RBPJ: variants seen among roughly 807,000 people sequenced by gnomAD.
The protein encoded by RBPJ is recombining binding protein suppressor of hairless.
A neutral mutation model predicts 67.8 loss-of-function variants in RBPJ; 9 were observed. The ratio of observed to expected loss-of-function variants is 0.13; its 90% CI spans 0.08 to 0.23. The LOEUF (loss-of-function observed/expected upper bound fraction) is 0.23. RBPJ is among the 10% of genes least tolerant of loss of function. RBPJ has a pLI of 1.00. For synonymous variants in RBPJ, 198 were observed against 203.3 expected, an observed-to-expected ratio of 0.97 and a Z score of 0.22; for missense variants, 305 against 595.6, an observed-to-expected ratio of 0.51 and a Z score of 5.08.
At chr4:26,289,562 A>C (rs1041475178) in intron 1 of RBPJ, among the ~76,000 whole-genome samples, 29 of 150,564 alleles carry the variant, frequency 1.9e-4, no homozygotes, top group African/African-American at 6.4e-4. Flanking sequence ...GTGAGCATGC[A>C]TGCTATCATT....
intron 1 of RBPJ, among the ~76,000 whole-genome samples, chr4:26,164,773 A>G (rs1375948728): frequency 6.6e-6 from 1 of 152,154 alleles, no homozygotes. Context: ...GTGTTTTTCT[A>G]CTGGAAAATG....
intron 2 of RBPJ, among the ~76,000 whole-genome samples, chr4:26,404,478 A>T (rs1733185008): frequency 6.6e-6 from 1 of 151,774 alleles, no homozygotes; most frequent in Non-Finnish European, 1.5e-5. Context: ...AAAGCCTTTC[A>T]TAGTTTGACT....
At chr4:26,379,149 T>C (rs1730059506) in intron 1 of RBPJ, among the ~76,000 whole-genome samples, 2 of 152,186 alleles carry the variant, frequency 1.3e-5, no homozygotes, top group African/African-American at 4.8e-5. Context: ...TGGCATGTCT[T>C]TGAAATCTAC....
At chr4:26,139,367 C>G in the RBPJ span, among the ~76,000 whole-genome samples, 1 of 152,234 alleles carries the variant, frequency 6.6e-6, no homozygotes, top group East Asian at 1.9e-4. Flanking sequence ...TGCGAGGGAC[C>G]AGTGGGTTGG....
At chr4:26,184,331 A>C (rs1401468143) in intron 1 of RBPJ, among the ~76,000 whole-genome samples, 1 of 152,062 alleles carries the variant, frequency 6.6e-6, no homozygotes, top group Non-Finnish European at 1.5e-5. Flanking sequence ...GAGAGACTGG[A>C]CTCAGCTCCG....
chr4:26,318,104 T>C (rs186726993), upstream of RBPJ, among the ~76,000 whole-genome samples: 26 of 151,794 alleles, frequency 1.7e-4, no homozygotes, highest in Admixed American at 9.9e-4. Context: ...ATATAATCAA[T>C]AGGCAAACAC....
intron 1 of RBPJ, among the ~76,000 whole-genome samples, chr4:26,297,031 A>G (rs1355527271): frequency 6.6e-6 from 1 of 152,210 alleles, no homozygotes; most frequent in Non-Finnish European, 1.5e-5. Flanking sequence ...ACGGTAGTTC[A>G]TGTCTGTAAT....
intron 1 of RBPJ, among the ~76,000 whole-genome samples, chr4:26,191,210 T>TATATAGAGAG (rs1364457297): frequency 1.1e-4 from 3 of 26,840 alleles, no homozygotes; most frequent in Admixed American, 9.5e-4. Context: ...TATATATATA[T>TATATAGAGAG]AGAGAGAGAG....
At chr4:26,333,470 C>G (rs1724466507) in intron 1 of RBPJ, among the ~76,000 whole-genome samples, 1 of 152,066 alleles carries the variant, frequency 6.6e-6, no homozygotes. Flanking sequence ...TTAGACTAGT[C>G]TTTGGGCTCA....
chr4:26,211,340 C>T (rs757518864), intron 1 of RBPJ, among the ~76,000 whole-genome samples: 1 of 152,114 alleles, frequency 6.6e-6, no homozygotes, highest in African/African-American at 2.4e-5. Flanking sequence ...ACTGTGTCGT[C>T]CATAAACCTC....
At chr4:26,210,229 T>C (rs1718336468) in intron 1 of RBPJ, among the ~76,000 whole-genome samples, 1 of 152,184 alleles carries the variant, frequency 6.6e-6, no homozygotes, top group African/African-American at 2.4e-5. Context: ...ACAGTGGGAA[T>C]ATAGTCTTCC....
At chr4:26,244,515 A>G (rs190275844) in intron 1 of RBPJ, among the ~76,000 whole-genome samples, 1 of 140,608 alleles carries the variant, frequency 7.1e-6, no homozygotes, top group African/African-American at 2.7e-5. Context: ...ATGTATACAT[A>G]TATGTGTATG....
At chr4:26,268,994 C>T (rs764045229) in intron 1 of RBPJ, among the ~76,000 whole-genome samples, 3 of 152,066 alleles carry the variant, frequency 2.0e-5, no homozygotes, top group East Asian at 1.9e-4. Flanking sequence ...CTCTAATATT[C>T]GGCTTCTTTG....
At chr4:26,333,301 T>C (rs1425364750) in intron 1 of RBPJ, among the ~76,000 whole-genome samples, 5 of 152,208 alleles carry the variant, frequency 3.3e-5, no homozygotes, top group Non-Finnish European at 7.3e-5. Flanking sequence ...AAAATTTCAG[T>C]AGTTTTGCAA....
At chr4:26,219,338 GGCGGAATACTTGGAAA>G (rs1285335984) in intron 1 of RBPJ, among the ~76,000 whole-genome samples, 1 of 152,146 alleles carries the variant, frequency 6.6e-6, no homozygotes, top group Non-Finnish European at 1.5e-5. Flanking sequence ...CAAGGATCAG[GGCGGAATACTTGGAAA>G]ACATGGATCA....
chr4:26,208,454 C>T (rs1473076146), intron 1 of RBPJ, among the ~76,000 whole-genome samples: 2 of 152,130 alleles, frequency 1.3e-5, no homozygotes, highest in African/African-American at 2.4e-5. Flanking sequence ...ACATGAATAG[C>T]CACACAGTCA....
chr4:26,409,670 T>G (rs1373565300), intron 3 of RBPJ, among the ~76,000 whole-genome samples: 2 of 152,124 alleles, frequency 1.3e-5, no homozygotes, highest in Non-Finnish European at 2.9e-5. Flanking sequence ...CAGCTAATTT[T>G]TGTATTTTTA....
At chr4:26,150,948 CTTTA>C in the RBPJ span, among the ~76,000 whole-genome samples, 1 of 152,188 alleles carries the variant, frequency 6.6e-6, no homozygotes, top group African/African-American at 2.4e-5. Flanking sequence ...ATTTGCTAGT[CTTTA>C]TTTACGGATA....
rs1735477060 is a variant in RBPJ, at chr4:26,424,814, A to G, written c.747+71A>G. On this transcript the variant is annotated intron_variant, in intron 7 of 10. Coordinates refer to ENST00000355476, the MANE Select transcript of RBPJ (RefSeq NM_015874.6). This position sits in a 1 kb window ranked among gnomAD's most constrained non-coding sequence, Gnocchi z 5.3. The stretch of plus-strand genomic sequence containing the variant: ...ATTTCTTAAACAGGAAAATCACAAC[A>G]TTCAAATGGAAAAACACACCTCAGT... The G allele has an allele frequency of 6.8e-6, 6 of 884,952 alleles. No homozygotes were observed. The highest frequency in any genetic ancestry group is 1.1e-5 in the Non-Finnish European group (6 of 546,902). The allele number at this position is 884,952 out of a possible 1,614,324, so 54.8% of individuals were successfully genotyped here.
Sources: allele counts gnomAD v4.1 joint callset (sites outside exome capture counted in the v4.1 genomes callset), GRCh38; gene constraint gnomAD v4.1.1; non-coding constraint Gnocchi (gnomAD v3.1); transcripts MANE v1.5; gene names NCBI Gene and HGNC (gene_info 2026-07-23, HGNC 2026-07-21).